The following MRPL20 variants were observed in gnomAD, a reference collection of about 807,000 sequenced individuals.
MRPL20 encodes the protein mitochondrial ribosomal protein L20, also known as large ribosomal subunit protein bL20m.
MRPL20 carries 21 observed loss-of-function variants against 20.0 expected under a neutral mutation model. That is an observed-to-expected ratio of 1.05 (90% CI 0.74 to 1.51). The LOEUF is 1.51. Ranked by LOEUF, MRPL20 falls within the 40% of genes most tolerant of loss-of-function variation. The pLI, the probability that MRPL20 is intolerant of heterozygous loss-of-function variation, is 0.00. For missense variants in MRPL20, 252 were observed against 185.6 expected, an observed-to-expected ratio of 1.36 and a Z score of -2.08; for synonymous variants, 104 against 73.0, an observed-to-expected ratio of 1.43 and a Z score of -2.17.
intron 3 of MRPL20, among the ~76,000 whole-genome samples, chr1:1,402,887 G>C (rs1570063776): frequency 6.6e-6 from 1 of 152,230 alleles, no homozygotes; most frequent in Admixed American, 6.5e-5. Flanking sequence ...TGAGCACTTT[G>C]GGAGGCTGAG....
At chr1:1,405,478 G>A in intron 3 of MRPL20, 2 of 601,162 alleles carry the variant, frequency 3.3e-6, no homozygotes, top group East Asian at 5.5e-5. Flanking sequence ...GTCTCACTAT[G>A]TTGCCCAGGC....
At chr1:1,406,703 G>C in intron 2 of MRPL20, 1 of 602,736 alleles carries the variant, frequency 1.7e-6, no homozygotes, top group East Asian at 2.9e-5. Context: ...CTGGAGCAGG[G>C]GGTGACAGTG....
intron 3 of MRPL20, 87 bp downstream of exon 3, chr1:1,405,722 T>C: frequency 4.3e-6 from 7 of 1,609,710 alleles, no homozygotes; most frequent in Non-Finnish European, 6.0e-6. Flanking sequence ...CCTGATTAGC[T>C]GGGACTACAG....
At chr1:1,405,997 G>T in intron 2 of MRPL20, 111 bp from the exon 3 acceptor site, 3 of 1,436,902 alleles carry the variant, frequency 2.1e-6, no homozygotes, top group Non-Finnish European at 2.8e-6. Flanking sequence ...AGCAAAATCA[G>T]TGAGCTATGA....
intron 3 of MRPL20, among the ~76,000 whole-genome samples, chr1:1,404,505 T>C (rs1211326101): frequency 7.2e-6 from 1 of 138,812 alleles, no homozygotes; most frequent in Non-Finnish European, 1.5e-5. Context: ...TTTTCTACAC[T>C]TTTTTTTTTT....
intron 3 of MRPL20, chr1:1,402,635 G>A: frequency 9.9e-7 from 1 of 1,006,256 alleles, no homozygotes; most frequent in Non-Finnish European, 1.2e-6. Context: ...AGAAGCTAGT[G>A]AACAATGCCA....
Position 1,402,255 on chromosome 1 carries a change from C to T in MRPL20, c.278G>A (p.Cys93Tyr), listed in dbSNP as rs1570062427. 6.2e-7 allele frequency: 1 copy of T among 1,605,154 alleles called. No individual in the cohort carries two copies. The highest frequency in any genetic ancestry group is 8.5e-7 in the Non-Finnish European group (1 of 1,176,276). ...GACTTTCCTGTTGAGCTCCACCTGG[C>T]ACTGAAAAAAGAATGAATCAGAACC... Reference protein sequence around the residue: ...YPALIGNLVKCQVELNRKVLA... With the variant: ...YPALIGNLVKYQVELNRKVLA... The change falls in exon 4 of 4, where the codon TGC becomes TAC. Residue 93 changes from cysteine (C) to tyrosine (Y), a missense_variant and splice_region_variant. Physicochemically the swap from Cys to Tyr is radical, Grantham distance 194 (BLOSUM62 -2). Transcript: ENST00000344843.
chr1:1,405,005 T>A (rs1209942717), intron 3 of MRPL20: 1 of 152,242 alleles, frequency 6.6e-6, no homozygotes, highest in Admixed American at 6.6e-5. Context: ...TTATTTACTT[T>A]TAGAGATGGA....
chr1:1,407,102 A>T lies in MRPL20; in HGVS notation c.87+29T>A, dbSNP rs1553191824. 3.7e-6 allele frequency: 6 copies of T among 1,609,116 alleles called. No individual in the cohort carries two copies. The South Asian group carries it at 6.6e-5, about 18-fold the overall frequency. Reference sequence around the variant, plus strand: ...GGCCCGCGGGATACCCCGGGCGCCCAGTGCCCAGGCCGGGCAGGCGGCACT... The same window carrying T: ...GGCCCGCGGGATACCCCGGGCGCCCTGTGCCCAGGCCGGGCAGGCGGCACT... On this transcript the variant is annotated intron_variant, in intron 1 of 3. Transcript: ENST00000344843.
intron 3 of MRPL20, among the ~76,000 whole-genome samples, chr1:1,404,523 C>T (rs1430393921): frequency 1.4e-5 from 2 of 147,462 alleles, no homozygotes; most frequent in South Asian, 4.3e-4. Flanking sequence ...TTTTTTGAGA[C>T]AGAGTCTCAC....
At position 1,406,185 on chromosome 1, in the gene MRPL20, G is replaced by A. The variant is rs970752660; in HGVS notation, c.199-299C>T. 36 of 310,878 alleles carry A rather than the reference G, an allele frequency of 1.2e-4. No homozygotes were observed. In the South Asian group the frequency reaches 1.2e-3, roughly 11 times the overall value. 19.3% of individuals were successfully genotyped at this position (310,878 alleles called of 1,614,324 possible). A position where few individuals can be genotyped will look rare whatever the true frequency, so the allele number is the denominator to read the frequency against. ...AGCCTGACCAACATGGCGGAACCCG[G>A]TCTCTACTAAAAATACAAAAAATAG... is the stretch of plus-strand genomic sequence containing the variant. On this transcript the variant is annotated intron_variant, in intron 2 of 3. Coordinates refer to ENST00000344843, the MANE Select transcript of MRPL20 (RefSeq NM_017971.4).
chr1:1,403,085 C>T (rs1386648686), intron 3 of MRPL20, among the ~76,000 whole-genome samples: 5 of 148,632 alleles, frequency 3.4e-5, no homozygotes, highest in East Asian at 2.0e-4. Flanking sequence ...GCCAAGATCG[C>T]GCCACTTCAC....
In MRPL20 at chr1:1,402,231, A is replaced by C; in HGVS notation, c.302T>G (p.Val101Gly). The C allele has an allele frequency of 6.2e-7, 1 of 1,613,070 alleles. No individual in the cohort carries two copies. Among genetic ancestry groups the C allele is most frequent in the South Asian group, 1.1e-5 (1 of 90,986 alleles). ...VKCQVELNRK[V>G]LADLAIYEPK... ...CTCGTAGATGGCCAGATCCGCTAGG[A>C]CTTTCCTGTTGAGCTCCACCTGGCA... The change falls in exon 4 of 4, where the codon GTC (valine) becomes GGC (glycine). Residue 101 changes from valine (V) to glycine (G), a missense_variant. By Grantham distance (109) the Val-to-Gly change is moderately radical. Transcript: ENST00000344843.
intron 2 of MRPL20, chr1:1,406,531 G>A: frequency 3.6e-6 from 1 of 275,432 alleles, no homozygotes; most frequent in South Asian, 3.7e-5. Flanking sequence ...GGAGCACCAC[G>A]GCAGCAGATA....
intron 1 of MRPL20, 26 bp from the exon 2 acceptor site, chr1:1,407,045 G>A (rs1305222967): frequency 3.5e-5 from 56 of 1,611,252 alleles, no homozygotes; most frequent in Non-Finnish European, 3.9e-5. Flanking sequence ...AGAAACCAGG[G>A]TTGTCAGCGG....
chr1:1,402,378 A>G (rs541442251), intron 3 of MRPL20, 122 bp from the exon 4 acceptor site: 2 of 1,426,210 alleles, frequency 1.4e-6, no homozygotes, highest in Non-Finnish European at 1.8e-6. Flanking sequence ...GGGAAGGCCT[A>G]GGAGAATCCT....
chr1:1,402,163 G>A lies in MRPL20; in HGVS notation c.370C>T (p.Arg124Ter), dbSNP rs748176422. 36 of 1,613,950 alleles carry A rather than the reference G, an allele frequency of 2.2e-5. No individual in the cohort carries two copies. The highest frequency in any genetic ancestry group is 2.9e-5 in the Non-Finnish European group (34 of 1,180,024). Residue 124 changes from arginine (R) to a stop codon, truncating the protein, a stop_gained, in exon 4 of 4, where the codon CGA (arginine) becomes TGA (stop). Coordinates refer to ENST00000344843, the MANE Select transcript of MRPL20 (RefSeq NM_017971.4). LOFTEE classifies it high-confidence loss of function. ...AAGGCAGCAGCAAATCCTTCGTGTC[G>A]CCTCCTACTGGCCAAGGCAGCCAAA... ...KSLAALASRR[R>*]HEGFAAALGD...
intron 3 of MRPL20, 49 bp from the exon 4 acceptor site, chr1:1,402,305 C>G: frequency 6.4e-7 from 1 of 1,555,580 alleles, no homozygotes; most frequent in Non-Finnish European, 8.7e-7. Context: ...GACACACACT[C>G]CGGCTCCGCG....
At position 1,402,064 on chromosome 1, in the gene MRPL20, A is replaced by G. The variant is rs1570061766; in HGVS notation, c.*19T>C. The G allele has an allele frequency of 1.9e-6, 3 of 1,592,382 alleles. No individual in the cohort carries two copies. Among genetic ancestry groups the G allele is most frequent in the South Asian group, 1.1e-5 (1 of 88,044 alleles). The stretch of plus-strand genomic sequence containing the variant: ...GCAAATTACTCTGTCTCTTTTCCTA[A>G]TCAATACAGCAACAGTCCTCAGTGG... On this transcript the variant is annotated 3_prime_UTR_variant, in exon 4 of 4. Coordinates refer to ENST00000344843, the MANE Select transcript of MRPL20 (RefSeq NM_017971.4).
Sources: gnomAD v4.1 joint callset for allele counts (sites outside exome capture counted in the v4.1 genomes callset) on GRCh38, gnomAD v4.1.1 for gene constraint, MANE v1.5 for transcripts, NCBI Gene and HGNC (gene_info 2026-07-23, HGNC 2026-07-21) for gene names.